RAD51B: variants seen among roughly 807,000 people sequenced by gnomAD.
RAD51B encodes DNA repair protein RAD51 homolog 2.
A neutral mutation model predicts 42.2 loss-of-function variants in RAD51B; 38 were observed. The observed-to-expected ratio is 0.90, with a 90% CI of 0.70 to 1.18. The LOEUF is 1.18. Ranked by LOEUF, RAD51B falls within the 50% of genes most tolerant of loss-of-function variation. RAD51B has a pLI of 0.00. For synonymous variants in RAD51B, 154 were observed against 145.2 expected (o/e 1.06, Z -0.43); for missense variants, 373 against 400.7 (o/e 0.93, Z 0.59).
chr14:68,040,476 A>G lies in RAD51B; in HGVS notation c.756+153272A>G, dbSNP rs1384060474. 2.0e-5 allele frequency among the ~76,000 whole-genome samples: 3 copies of G among 152,232 alleles called. No individual in the cohort carries two copies. In the East Asian group the frequency reaches 5.8e-4, roughly 29 times the overall value. On this transcript the variant is annotated intron_variant, in intron 7 of 10. Transcript: ENST00000471583. ...AGGTAATAGTTATGTTTTTTCTAGTATCTATTAAAATATTGCCTAACAATT... is the reference window on the plus strand; with the variant it reads ...AGGTAATAGTTATGTTTTTTCTAGTGTCTATTAAAATATTGCCTAACAATT...
chr14:68,230,759 TG>T (rs1316176288), intron 7 of RAD51B, among the ~76,000 whole-genome samples: 1 of 152,258 alleles, frequency 6.6e-6, no homozygotes, highest in Non-Finnish European at 1.5e-5. Flanking sequence ...AGTTCTTGGC[TG>T]TGATTTTAGT....
intron 10 of RAD51B, among the ~76,000 whole-genome samples, chr14:68,502,814 A>G (rs1885018844): frequency 6.6e-6 from 1 of 152,174 alleles, no homozygotes; most frequent in Admixed American, 6.5e-5. Flanking sequence ...CCTGGGAGAC[A>G]AGAATCCTCA....
intron 7 of RAD51B, among the ~76,000 whole-genome samples, chr14:68,029,708 C>T (rs1030499340): frequency 1.2e-4 from 19 of 152,126 alleles, no homozygotes; most frequent in East Asian, 3.9e-4. Flanking sequence ...CCTTTTCCAG[C>T]GAATCAGGAA....
chr14:68,073,990 C>T lies in RAD51B; in HGVS notation c.756+186786C>T, dbSNP rs148567419. ...CTCACATTGATGTTGGAGGATTTGACGACTGGGTGCTTTGGGGATGGTCAT... is the reference window on the plus strand; with the variant it reads ...CTCACATTGATGTTGGAGGATTTGATGACTGGGTGCTTTGGGGATGGTCAT... On this transcript the variant is annotated intron_variant, in intron 7 of 10. Transcript: ENST00000471583. Among the ~76,000 whole-genome samples the T allele has an allele frequency of 6.6e-5, 10 of 152,252 alleles. No homozygotes were observed. In the East Asian group the frequency reaches 7.7e-4, roughly 12 times the overall value.
chr14:68,660,657 A>G (rs1225653020), intron 11 of RAD51B, among the ~76,000 whole-genome samples: 3 of 152,214 alleles, frequency 2.0e-5, no homozygotes, highest in Admixed American at 6.5e-5. Context: ...CCTGTTCTGT[A>G]AAGTGGGAAC....
intron 9 of RAD51B, among the ~76,000 whole-genome samples, chr14:68,427,379 G>A (rs990086296): frequency 6.6e-6 from 1 of 152,194 alleles, no homozygotes; most frequent in African/African-American, 2.4e-5. Flanking sequence ...GCTGCTGTGA[G>A]GGTGAGACTA....
At chr14:68,308,209 C>T (rs2139716077) in intron 8 of RAD51B, among the ~76,000 whole-genome samples, 1 of 152,266 alleles carries the variant, frequency 6.6e-6, no homozygotes, top group Admixed American at 6.5e-5. Flanking sequence ...GGACATTTTG[C>T]ACATCAGAAT....
At chr14:67,992,761 T>C (rs2075316386) in intron 7 of RAD51B, among the ~76,000 whole-genome samples, 1 of 152,018 alleles carries the variant, frequency 6.6e-6, no homozygotes, top group Admixed American at 6.6e-5. Context: ...AAATGTTTTT[T>C]TTTTCTAGGA....
intron 8 of RAD51B, among the ~76,000 whole-genome samples, chr14:68,305,696 G>C (rs542794478): frequency 6.6e-6 from 1 of 152,326 alleles, no homozygotes; most frequent in East Asian, 1.9e-4. Flanking sequence ...GCAGAACTAA[G>C]ATGGGCCCCT....
intron 11 of RAD51B, among the ~76,000 whole-genome samples, chr14:68,673,846 C>T (rs1893237158): frequency 6.7e-6 from 1 of 150,138 alleles, no homozygotes; most frequent in African/African-American, 2.5e-5. Flanking sequence ...CACATATGTA[C>T]ATGCACACTC....
chr14:68,674,847 C>G (rs1285635965), intron 11 of RAD51B, among the ~76,000 whole-genome samples: 1 of 148,698 alleles, frequency 6.7e-6, no homozygotes. Context: ...CTATGGTTTC[C>G]CAGCCACAGA....
intron 6 of RAD51B, chr14:67,886,773 C>T: frequency 3.3e-6 from 1 of 306,140 alleles, no homozygotes; most frequent in Non-Finnish European, 6.0e-6. Context: ...GTAGTTTTAC[C>T]CCAGAATTGG....
chr14:68,482,043 G>A (rs927594911), downstream of RAD51B, among the ~76,000 whole-genome samples: 2 of 152,074 alleles, frequency 1.3e-5, no homozygotes, highest in African/African-American at 4.8e-5. Context: ...ATTCTTCCCC[G>A]TGAGCTGATA....
intron 10 of RAD51B, among the ~76,000 whole-genome samples, chr14:68,516,783 T>C (rs72727497): frequency 0.012 from 1,836 of 152,354 alleles, 12 homozygotes; most frequent in Non-Finnish European, 0.018. Flanking sequence ...CACTAAGTCA[T>C]GCAGATTTTT....
At chr14:68,154,484 C>T (rs775877617) in intron 7 of RAD51B, among the ~76,000 whole-genome samples, 1 of 152,220 alleles carries the variant, frequency 6.6e-6, no homozygotes, top group Non-Finnish European at 1.5e-5. Flanking sequence ...AGTTTCCTTA[C>T]ATGCATGCAC....
rs144555335 is a variant in RAD51B, at chr14:68,650,646, A to G, written c.1037-135A>G. 1.0e-3 allele frequency: 615 copies of G among 609,750 alleles called. 1 individual carries two copies. Among genetic ancestry groups the G allele is most frequent in the African/African-American group, 9.7e-3 (528 of 54,192 alleles). The allele number at this position is 609,750 out of a possible 1,614,324, so 37.8% of individuals were successfully genotyped here. A position where few individuals can be genotyped will look rare whatever the true frequency, so the allele number is the denominator to read the frequency against. ...CAGAGGCCCATACTGTTGTGTTTAA[A>G]GTAGCATCTAATTCAAAACAACTAG... On this transcript the variant is annotated intron_variant, in intron 10 of 11. Coordinates refer to the RAD51B transcript ENST00000488612.
In RAD51B at chr14:68,010,915, GT is replaced by G. The variant is rs563571378; in HGVS notation, c.756+123715del. 3.9e-3 allele frequency among the ~76,000 whole-genome samples: 590 copies of G among 151,886 alleles called. 6 individuals are homozygous for G. The highest frequency in any genetic ancestry group is 0.013 in the African/African-American group (556 of 41,490). ...TTGTGGGTTTTCTGTGTGTTTAGCTGTTTTGTCTGTACTTATATTTGTATTT... is the reference window on the plus strand; with the variant it reads ...TTGTGGGTTTTCTGTGTGTTTAGCTGTTTGTCTGTACTTATATTTGTATTT... On this transcript the variant is annotated intron_variant, in intron 7 of 10. Coordinates refer to ENST00000471583, the MANE Select transcript of RAD51B (RefSeq NM_133510.4).
At chr14:67,825,348 A>T in intron 2 of RAD51B, 116 bp from the exon 3 acceptor site, 1 of 614,126 alleles carries the variant, frequency 1.6e-6, no homozygotes, top group Non-Finnish European at 2.7e-6. Context: ...TAAATCTTTG[A>T]TCTGCGATAA....
intron 7 of RAD51B, among the ~76,000 whole-genome samples, chr14:67,948,553 A>AT (rs1166237869): frequency 4.6e-5 from 7 of 151,858 alleles, no homozygotes; most frequent in Non-Finnish European, 8.8e-5. Flanking sequence ...TGAGTGATAC[A>AT]TTTTTTTTGG....
Sources: gnomAD v4.1 joint callset for allele counts (sites outside exome capture counted in the v4.1 genomes callset) on GRCh38, gnomAD v4.1.1 for gene constraint, MANE v1.5 for transcripts, NCBI Gene and HGNC (gene_info 2026-07-23, HGNC 2026-07-21) for gene names.